INPP5F: variants seen among roughly 807,000 people sequenced by gnomAD.
The protein encoded by INPP5F is inositol polyphosphate-5-phosphatase F, also known as phosphatidylinositide 4-phosphatase SAC2.
In INPP5F, 97 loss-of-function variants were observed where a neutral mutation model predicts 137.2. The ratio of observed to expected loss-of-function variants is 0.71; its 90% confidence interval spans 0.60 to 0.84. INPP5F has a LOEUF of 0.84. Among genes scored for constraint, INPP5F ranks in the 40% least tolerant of loss-of-function variants. INPP5F has a pLI of 0.00. For missense variants in INPP5F, 1,271 were observed against 1,371.9 expected (o/e 0.93, Z 1.16); for synonymous variants, 504 against 476.9 (o/e 1.06, Z -0.74).
rs1327214203 is a variant in INPP5F at position 119,751,099 on chromosome 10, A to G, written c.121A>G (p.Asn41Asp). 6.2e-7 allele frequency: 1 copy of G among 1,610,840 alleles called. No homozygotes were observed. The highest frequency in any genetic ancestry group is 1.1e-5 in the South Asian group (1 of 91,020). The change falls in exon 2 of 20, where the codon AAT (asparagine) becomes GAT (aspartate). Residue 41 changes from asparagine (N) to aspartate (D), a missense_variant. Physicochemically the swap from Asn to Asp is conservative, Grantham distance 23 (BLOSUM62 1). Coordinates refer to ENST00000650623, the MANE Select transcript of INPP5F (RefSeq NM_014937.4). Reference sequence around the variant, plus strand: ...AGCTACTGATCTACTTCTTGCCTGGAATCCCATTTGTTTGGGGTTGGTAGA... The same window carrying G: ...AGCTACTGATCTACTTCTTGCCTGGGATCCCATTTGTTTGGGGTTGGTAGA... ...RPATDLLLAW[N>D]PICLGLVEGV...
rs1273845832 is a variant in INPP5F at position 119,826,065 on chromosome 10, C to T, written c.2250-566C>T. ...AAAATGGAAGTCTTACTCCTGTCTCCCCCCACTATCTGAATTTGAGCCACA... is the reference window on the plus strand; with the variant it reads ...AAAATGGAAGTCTTACTCCTGTCTCTCCCCACTATCTGAATTTGAGCCACA... On this transcript the variant is annotated intron_variant, in intron 19 of 19. Transcript: ENST00000650623. The T allele has an allele frequency of 7.5e-6, 3 of 398,174 alleles. No individual in the cohort carries two copies. The East Asian group carries it at 1.1e-4, about 14-fold the overall frequency. The allele number at this position is 398,174 out of a possible 1,614,324, so 24.7% of individuals were successfully genotyped here. A position where few individuals can be genotyped will look rare whatever the true frequency, so the allele number is the denominator to read the frequency against.
intron 2 of INPP5F, among the ~76,000 whole-genome samples, chr10:119,753,839 CAAA>C (rs199577811): frequency 6.8e-4 from 104 of 151,968 alleles, no homozygotes; most frequent in African/African-American, 2.4e-3. Context: ...TCAGCTTAGG[CAAA>C]AAAACACACT....
At chr10:119,784,702 C>T (rs558199337) in intron 3 of INPP5F, among the ~76,000 whole-genome samples, 1 of 152,162 alleles carries the variant, frequency 6.6e-6, no homozygotes, top group Admixed American at 6.5e-5. Context: ...ATTCACATAC[C>T]ATAATTCAAA....
chr10:119,826,733 A>G lies in INPP5F; in HGVS notation c.2352A>G (p.Leu784=), dbSNP rs1233121633. ...TTTTAATGAGCAAATTTTCATCTCT[A>G]AATCAAAAAGTGAAGCAGACCAAAT... ...KNFLMSKFSS[L]NQKVKQTKSN... is the part of the protein sequence containing the mutation. Residue 784 remains leucine, a synonymous_variant, in exon 20 of 20, where the codon CTA becomes CTG. Transcript: ENST00000650623. 3.1e-6 allele frequency: 5 copies of G among 1,613,558 alleles called. No homozygotes were observed. The highest frequency in any genetic ancestry group is 3.4e-6 in the Non-Finnish European group (4 of 1,179,780).
At chr10:119,767,720 C>T (rs1849218255) in intron 2 of INPP5F, among the ~76,000 whole-genome samples, 1 of 152,116 alleles carries the variant, frequency 6.6e-6, no homozygotes, top group Non-Finnish European at 1.5e-5. Context: ...AGCATAGAAA[C>T]TGTGTGAATA....
At chr10:119,797,436 G>T (rs1194475571) in intron 7 of INPP5F, 25 bp from the exon 8 acceptor site, 1 of 1,560,972 alleles carries the variant, frequency 6.4e-7, no homozygotes, top group Non-Finnish European at 8.7e-7. Flanking sequence ...AAATGTTGCT[G>T]TTTTCTGTTT....
At chr10:119,752,444 G>A (rs993241833) in intron 2 of INPP5F, among the ~76,000 whole-genome samples, 1 of 152,072 alleles carries the variant, frequency 6.6e-6, no homozygotes, top group Non-Finnish European at 1.5e-5. Flanking sequence ...AATTATCTGG[G>A]CATGGTGGCG....
chr10:119,767,545 A>T (rs1286665889), intron 2 of INPP5F, among the ~76,000 whole-genome samples: 1 of 152,242 alleles, frequency 6.6e-6, no homozygotes, highest in South Asian at 2.1e-4. Context: ...GACAAATAGT[A>T]AGATGATAGT....
At chr10:119,737,378 AATC>A (rs1034168921) in intron 1 of INPP5F, among the ~76,000 whole-genome samples, 2 of 152,186 alleles carry the variant, frequency 1.3e-5, no homozygotes, top group Non-Finnish European at 2.9e-5. Flanking sequence ...ACCTATATAT[AATC>A]ATTTAGACCA....
At chr10:119,805,508 A>C in intron 11 of INPP5F, 47 bp downstream of exon 11, 1 of 1,258,398 alleles carries the variant, frequency 7.9e-7, no homozygotes, top group Non-Finnish European at 1.2e-6. Context: ...GGGATCTGTA[A>C]AATAGTACCA....
chr10:119,802,669 C>T (rs889909083), intron 9 of INPP5F, among the ~76,000 whole-genome samples: 10 of 151,902 alleles, frequency 6.6e-5, no homozygotes, highest in Admixed American at 2.6e-4. Context: ...AGGAACAGAA[C>T]GCATTTTATA....
chr10:119,782,333 T>C (rs1010828633), intron 3 of INPP5F, among the ~76,000 whole-genome samples: 4 of 152,202 alleles, frequency 2.6e-5, no homozygotes, highest in Non-Finnish European at 5.9e-5. Context: ...GGCTAGTGTT[T>C]TTTACCACAA....
chr10:119,818,067 C>T (rs1384310793), intron 15 of INPP5F, among the ~76,000 whole-genome samples: 3 of 152,222 alleles, frequency 2.0e-5, no homozygotes, highest in African/African-American at 7.2e-5. Flanking sequence ...AACTAGAAAC[C>T]GGGAACTGTC....
At chr10:119,743,660 G>GGGGGGC (rs1848441484) in intron 1 of INPP5F, among the ~76,000 whole-genome samples, 1 of 124,608 alleles carries the variant, frequency 8.0e-6, no homozygotes, top group African/African-American at 2.8e-5. Context: ...GGCGGGGGGC[G>GGGGGGC]GGGGGGGGGA....
intron 2 of INPP5F, among the ~76,000 whole-genome samples, chr10:119,778,256 C>A (rs563340553): frequency 6.6e-6 from 1 of 152,116 alleles, no homozygotes; most frequent in African/African-American, 2.4e-5. Context: ...GATCTGCCCT[C>A]CCTGGCCTCC....
At chr10:119,774,281 A>C (rs1469325799) in intron 2 of INPP5F, among the ~76,000 whole-genome samples, 3 of 150,014 alleles carry the variant, frequency 2.0e-5, no homozygotes, top group African/African-American at 7.3e-5. Context: ...AAAAAAAAAA[A>C]AACTCCCTAG....
At chr10:119,754,347 G>A (rs1002326769) in intron 2 of INPP5F, among the ~76,000 whole-genome samples, 4 of 152,196 alleles carry the variant, frequency 2.6e-5, no homozygotes, top group African/African-American at 7.2e-5. Flanking sequence ...TACAGTCAAA[G>A]TATGGTCATT....
intron 17 of INPP5F, 38 bp downstream of exon 17, chr10:119,822,542 A>C (rs781073350): frequency 5.0e-6 from 5 of 992,638 alleles, no homozygotes; most frequent in East Asian, 5.0e-5. Context: ...TCAAAAGCAA[A>C]TGCTGTTGTT....
intron 1 of INPP5F, among the ~76,000 whole-genome samples, chr10:119,747,428 T>C (rs527912145): frequency 2.5e-4 from 38 of 152,290 alleles, no homozygotes; most frequent in Non-Finnish European, 4.1e-4. Context: ...TTTTACCATG[T>C]TGGCCAGGCT....
Sources: allele counts gnomAD v4.1 joint callset (sites outside exome capture counted in the v4.1 genomes callset), GRCh38; gene constraint gnomAD v4.1.1; transcripts MANE v1.5; gene names NCBI Gene and HGNC (gene_info 2026-07-23, HGNC 2026-07-21).